Variants in GART observed in about 807,000 individuals in gnomAD.
GART encodes the protein trifunctional purine biosynthetic protein adenosine-3.
In GART, 43 loss-of-function variants were observed where a neutral mutation model predicts 107.2. That is an observed-to-expected ratio of 0.40 (90% confidence interval 0.31 to 0.52). The LOEUF (loss-of-function observed/expected upper bound fraction) is 0.52, where lower values mean the gene tolerates loss of function less well. Among genes scored for constraint, GART ranks in the 20% least tolerant of loss-of-function variants. The probability of loss-of-function intolerance (pLI) is 0.52; values close to 1 mark genes in which losing one functional copy is unlikely to be tolerated. For missense variants in GART, 1,107 were observed against 1,206.5 expected, an observed-to-expected ratio of 0.92 and a Z score of 1.22; for synonymous variants, 434 against 427.0, an observed-to-expected ratio of 1.02 and a Z score of -0.20.
At chr21:33,526,050 T>C (rs1021700117) in intron 10 of GART, among the ~76,000 whole-genome samples, 2 of 151,868 alleles carry the variant, frequency 1.3e-5, no homozygotes, top group Non-Finnish European at 2.9e-5. Context: ...TTTGTATTTT[T>C]AGTAGAGACA....
chr21:33,527,093 G>A (rs1194441265), intron 10 of GART, among the ~76,000 whole-genome samples: 1 of 152,144 alleles, frequency 6.6e-6, no homozygotes, highest in Admixed American at 6.6e-5. Flanking sequence ...TCTTGGTTCT[G>A]GCCCATTTCT....
At chr21:33,521,389 T>C (rs1165788759) in intron 12 of GART, among the ~76,000 whole-genome samples, 2 of 151,702 alleles carry the variant, frequency 1.3e-5, no homozygotes, top group Non-Finnish European at 2.9e-5. Flanking sequence ...CCCAGCACTT[T>C]GGGAGGCCGA....
chr21:33,533,958 T>C (rs1382209348), intron 4 of GART, among the ~76,000 whole-genome samples: 1 of 151,960 alleles, frequency 6.6e-6, no homozygotes, highest in Non-Finnish European at 1.5e-5. Flanking sequence ...AACATGGCTG[T>C]GAAGAGCGCA....
rs1437386838 is a variant in GART, at chr21:33,530,639, T to C, written c.723+120A>G. 3.9e-6 allele frequency: 4 copies of C among 1,020,442 alleles called. No homozygotes were observed. The African/African-American group carries it at 6.7e-5, about 17-fold the overall frequency. The allele number at this position is 1,020,442 out of a possible 1,614,324, so 63.2% of individuals were successfully genotyped here. ...AGATACTCCTCATTTAATTGCTGAT[T>C]AGTAACATAATTCATAGCAACAAAC... On this transcript the variant is annotated intron_variant, in intron 7 of 21. Coordinates refer to ENST00000381815, the MANE Select transcript of GART (RefSeq NM_000819.5).
At chr21:33,512,299 A>G (rs1340249453) in intron 16 of GART, among the ~76,000 whole-genome samples, 1 of 150,974 alleles carries the variant, frequency 6.6e-6, no homozygotes, top group Non-Finnish European at 1.5e-5. Flanking sequence ...GAAAAAAAAA[A>G]AAAAAAAAAA....
chr21:33,509,824 T>G lies in GART; in HGVS notation c.2411A>C (p.Glu804Ala), dbSNP rs114500396. The G allele has an allele frequency of 2.6e-3, 4,136 of 1,613,868 alleles. 103 individuals carry two copies. In the African/African-American group the frequency reaches 0.05, roughly 19 times the overall value. ...GACAGCCACTCTGGCCTTTTTTTTT[T>G]CAAAAGAGAAATGATTTGTCAGGGA... Reference protein sequence around the residue: ...NGSLTNHFSFEKKKARVAVLI... With the variant: ...NGSLTNHFSFAKKKARVAVLI... The change falls in exon 18 of 22, where the codon GAA (glutamate) becomes GCA (alanine). Residue 804 changes from glutamate to alanine, a missense_variant. Transcript: ENST00000381815.
At chr21:33,531,935 T>G (rs1601220470) in intron 5 of GART, 2 of 244,342 alleles carry the variant, frequency 8.2e-6, no homozygotes, top group East Asian at 1.9e-4. Context: ...AAAGTAGACT[T>G]CTACAAGGAC....
chr21:33,505,920 AG>A, intron 19 of GART, 53 bp downstream of exon 19: 4 of 1,602,804 alleles, frequency 2.5e-6, no homozygotes, highest in Non-Finnish European at 3.4e-6. Flanking sequence ...CTGTGAGGGC[AG>A]ATTACGAGCT....
intron 14 of GART, among the ~76,000 whole-genome samples, chr21:33,518,422 G>A (rs1043714724): frequency 3.3e-5 from 5 of 151,800 alleles, no homozygotes; most frequent in Admixed American, 6.6e-5. Context: ...GGGTTGCAGC[G>A]AGCCGAGATT....
chr21:33,521,222 A>G (rs2084967652), intron 12 of GART, among the ~76,000 whole-genome samples: 1 of 152,200 alleles, frequency 6.6e-6, no homozygotes. Context: ...TTAACATGTA[A>G]CATGTTAATA....
At chr21:33,539,023 G>A (rs974498616) in intron 2 of GART, 148 bp downstream of exon 2, 21 of 581,550 alleles carry the variant, frequency 3.6e-5, no homozygotes, top group African/African-American at 3.3e-4. Context: ...CTCATGATCC[G>A]CATATCTCGG....
chr21:33,507,036 C>T (rs2084694422), intron 18 of GART, among the ~76,000 whole-genome samples: 1 of 152,148 alleles, frequency 6.6e-6, no homozygotes, highest in Non-Finnish European at 1.5e-5. Context: ...GCTACCATAT[C>T]ATCCAGCAAT....
At chr21:33,534,526 T>C in intron 4 of GART, 53 bp downstream of exon 4, 1 of 1,596,136 alleles carries the variant, frequency 6.3e-7, no homozygotes, top group Non-Finnish European at 8.6e-7. Context: ...CTGACCTGTG[T>C]ATTTAAATAT....
intron 19 of GART, 89 bp downstream of exon 19, chr21:33,505,885 G>T: frequency 6.5e-7 from 1 of 1,546,212 alleles, no homozygotes; most frequent in Non-Finnish European, 8.8e-7. Context: ...GAAGTCCCAA[G>T]AACAAGTGCC....
In GART at chr21:33,515,677, G is replaced by A. The variant is rs372449607; in HGVS notation, c.2107+1312C>T. The stretch of plus-strand genomic sequence containing the variant: ...CAAAAAAAAAAAAAAAAAAAAAAAC[G>A]AAAAACAAAAAACAAAAAAGAACAC... On this transcript the variant is annotated intron_variant, in intron 16 of 21. Coordinates refer to ENST00000381815, the MANE Select transcript of GART (RefSeq NM_000819.5). Among the ~76,000 whole-genome samples, 1,067 of 121,402 alleles carry A rather than the reference G, an allele frequency of 8.8e-3. 15 individuals are homozygous for A. Among genetic ancestry groups the A allele is most frequent in the African/African-American group, 0.029 (983 of 34,176 alleles). The allele number at this position is 121,402 out of a possible 152,430, so 79.6% of individuals were successfully genotyped here.
At chr21:33,504,351 C>G (rs767845629) in intron 21 of GART, 36 bp from the exon 22 acceptor site, 8 of 1,611,186 alleles carry the variant, frequency 5.0e-6, no homozygotes, top group Middle Eastern at 3.3e-4. Flanking sequence ...ACATTACCTT[C>G]TAGCCAGTGT....
chr21:33,511,088 G>A (rs942150402), intron 17 of GART, among the ~76,000 whole-genome samples, 164 bp downstream of exon 17: 1 of 152,178 alleles, frequency 6.6e-6, no homozygotes, highest in African/African-American at 2.4e-5. Flanking sequence ...AGAGATACGT[G>A]GTATCGCTGG....
intron 18 of GART, among the ~76,000 whole-genome samples, chr21:33,508,655 T>A (rs2084728532): frequency 6.6e-6 from 1 of 151,764 alleles, no homozygotes; most frequent in Non-Finnish European, 1.5e-5. Context: ...GTAGCTGGAC[T>A]ACAGACGTGT....
At chr21:33,513,427 G>C (rs2084825275) in intron 16 of GART, among the ~76,000 whole-genome samples, 1 of 151,974 alleles carries the variant, frequency 6.6e-6, no homozygotes, top group Non-Finnish European at 1.5e-5. Context: ...AAAATTAGCT[G>C]GGCGTGGAGA....
Sources: gnomAD v4.1 joint callset for allele counts (sites outside exome capture counted in the v4.1 genomes callset) on GRCh38, gnomAD v4.1.1 for gene constraint, MANE v1.5 for transcripts, NCBI Gene and HGNC (gene_info 2026-07-23, HGNC 2026-07-21) for gene names.